SDCCAG8: variants seen among roughly 807,000 people sequenced by gnomAD.
SDCCAG8 encodes the protein serologically defined colon cancer antigen 8.
A neutral mutation model predicts 101.8 loss-of-function variants in SDCCAG8; 74 were observed. The ratio of observed to expected loss-of-function variants is 0.73; its 90% CI spans 0.60 to 0.88. The LOEUF (loss-of-function observed/expected upper bound fraction) is 0.88. Ranked by LOEUF, SDCCAG8 falls within the 40% of genes least tolerant of loss-of-function variation. SDCCAG8 has a pLI of 0.00. For synonymous variants in SDCCAG8, 281 were observed against 292.9 expected (o/e 0.96, Z 0.41); for missense variants, 787 against 822.6 (o/e 0.96, Z 0.53).
intron 6 of SDCCAG8, among the ~76,000 whole-genome samples, chr1:243,302,906 ATTG>A (rs556517532): frequency 6.0e-4 from 92 of 152,360 alleles, no homozygotes; most frequent in African/African-American, 2.1e-3. Context: ...AAATGCCATT[ATTG>A]TTGTAGAAAA....
chr1:243,376,498 T>C (rs1433966003), intron 12 of SDCCAG8, among the ~76,000 whole-genome samples: 2 of 152,194 alleles, frequency 1.3e-5, no homozygotes, highest in Non-Finnish European at 2.9e-5. Context: ...AGAAAGCAGC[T>C]AATTTGTACT....
chr1:243,449,822 C>T (rs529318237), intron 16 of SDCCAG8, among the ~76,000 whole-genome samples: 5 of 152,208 alleles, frequency 3.3e-5, no homozygotes, highest in Non-Finnish European at 7.3e-5. Context: ...GCCTCAGTGA[C>T]TGCAAATGTG....
chr1:243,382,531 C>T (rs1464712391), intron 13 of SDCCAG8, among the ~76,000 whole-genome samples: 1 of 152,186 alleles, frequency 6.6e-6, no homozygotes, highest in African/African-American at 2.4e-5. Flanking sequence ...GGCACTACCA[C>T]ACTTGAGTTG....
At chr1:243,421,816 A>G (rs2081028692) in intron 15 of SDCCAG8, among the ~76,000 whole-genome samples, 1 of 152,176 alleles carries the variant, frequency 6.6e-6, no homozygotes, top group South Asian at 2.1e-4. Flanking sequence ...CTGAGAGCTT[A>G]TTATAGTTAT....
chr1:243,461,480 C>A (rs577131727), intron 16 of SDCCAG8, among the ~76,000 whole-genome samples: 31 of 152,282 alleles, frequency 2.0e-4, no homozygotes, highest in African/African-American at 6.7e-4. Flanking sequence ...TGAGGAGTTA[C>A]CAGTTCCTTG....
intron 6 of SDCCAG8, among the ~76,000 whole-genome samples, chr1:243,301,793 A>G (rs1249022361): frequency 4.6e-5 from 7 of 152,212 alleles, no homozygotes; most frequent in Admixed American, 4.6e-4. Context: ...ACTTAAAACA[A>G]AAGGAAAGTA....
chr1:243,407,199 T>C (rs1312358019), intron 13 of SDCCAG8, among the ~76,000 whole-genome samples: 1 of 152,182 alleles, frequency 6.6e-6, no homozygotes, highest in Non-Finnish European at 1.5e-5. Context: ...ACTGTTTGAT[T>C]AAACAAACCC....
chr1:243,302,775 A>G (rs1247282906), intron 6 of SDCCAG8, among the ~76,000 whole-genome samples: 1 of 152,216 alleles, frequency 6.6e-6, no homozygotes, highest in African/African-American at 2.4e-5. Context: ...AGATCTAGGC[A>G]GTCATAAGGA....
intron 16 of SDCCAG8, among the ~76,000 whole-genome samples, chr1:243,451,526 G>A (rs552798824): frequency 6.6e-6 from 1 of 152,204 alleles, no homozygotes; most frequent in African/African-American, 2.4e-5. Context: ...GAACCATCCA[G>A]TTCTGCCACA....
chr1:243,464,314 C>T (rs551084301), intron 16 of SDCCAG8, among the ~76,000 whole-genome samples: 32 of 152,206 alleles, frequency 2.1e-4, no homozygotes, highest in African/African-American at 7.5e-4. Context: ...TTGCATATAC[C>T]TCTGTTTTAT....
chr1:243,330,158 G>C (rs181801827), intron 9 of SDCCAG8, among the ~76,000 whole-genome samples: 1 of 152,244 alleles, frequency 6.6e-6, no homozygotes, highest in Admixed American at 6.5e-5. Flanking sequence ...GAGCAAATAA[G>C]AAATCAGTTA....
intron 17 of SDCCAG8, among the ~76,000 whole-genome samples, chr1:243,496,280 C>T (rs979575340): frequency 3.3e-5 from 5 of 152,162 alleles, no homozygotes; most frequent in Non-Finnish European, 7.3e-5. Flanking sequence ...CGGGCGGAGC[C>T]GGGCCTGGCT....
chr1:243,426,150 C>G (rs1329239063), intron 15 of SDCCAG8, among the ~76,000 whole-genome samples: 1 of 152,118 alleles, frequency 6.6e-6, no homozygotes, highest in Non-Finnish European at 1.5e-5. Context: ...GAATGACAGT[C>G]TTTTAAAAAA....
At chr1:243,473,885 T>C (rs1412272751) in intron 16 of SDCCAG8, among the ~76,000 whole-genome samples, 1 of 131,788 alleles carries the variant, frequency 7.6e-6, no homozygotes, top group Non-Finnish European at 1.6e-5. Flanking sequence ...AGGAGGGGTC[T>C]TACAAATGAG....
chr1:243,366,049 CATG>C (rs756916087), intron 12 of SDCCAG8, among the ~76,000 whole-genome samples: 1 of 151,938 alleles, frequency 6.6e-6, no homozygotes, highest in Non-Finnish European at 1.5e-5. Context: ...TTTTTAACCT[CATG>C]ATGAGAATCT....
chr1:243,363,086 G>A (rs765742893), intron 12 of SDCCAG8, among the ~76,000 whole-genome samples: 12 of 152,034 alleles, frequency 7.9e-5, no homozygotes, highest in East Asian at 3.9e-4. Flanking sequence ...TCAGCACATC[G>A]GTGGCATCCT....
rs73118394 is a variant in SDCCAG8, at chr1:243,398,370, T to C, written c.1617-17332T>C. Among the ~76,000 whole-genome samples, 1,415 of 151,822 alleles carry C rather than the reference T, an allele frequency of 9.3e-3. 25 individuals are homozygous for C. Among genetic ancestry groups the C allele is most frequent in the African/African-American group, 0.033 (1,352 of 41,410 alleles). On this transcript the variant is annotated intron_variant, in intron 13 of 17. Coordinates refer to ENST00000366541, the MANE Select transcript of SDCCAG8 (RefSeq NM_006642.5). Reference sequence around the variant, plus strand: ...ATCAAGATCATCAATTTTGGTCTCTTTTTTTTTAATCTGGATGAGGCAATA... The same window carrying C: ...ATCAAGATCATCAATTTTGGTCTCTCTTTTTTTAATCTGGATGAGGCAATA...
intron 16 of SDCCAG8, among the ~76,000 whole-genome samples, chr1:243,478,586 C>T (rs1662864557): frequency 6.6e-6 from 1 of 152,318 alleles, no homozygotes; most frequent in Admixed American, 6.5e-5. Flanking sequence ...CCCCTCCCCA[C>T]TGCACGATCC....
At position 243,458,343 on chromosome 1, in the gene SDCCAG8, A is replaced by G. The variant is rs1347134631; in HGVS notation, c.1986-30671A>G. Among the ~76,000 whole-genome samples, 2 of 152,100 alleles carry G rather than the reference A, an allele frequency of 1.3e-5. No individual in the cohort carries two copies. Among genetic ancestry groups the G allele is most frequent in the Non-Finnish European group, 2.9e-5 (2 of 68,010 alleles). The stretch of plus-strand genomic sequence containing the variant: ...TGTGTTAAGCTTCTTGCTACCATGT[A>G]AAAATTTCCTGACACCTCTTGCAAT... On this transcript the variant is annotated intron_variant, in intron 16 of 17. Coordinates refer to ENST00000366541, the MANE Select transcript of SDCCAG8 (RefSeq NM_006642.5). The surrounding 1 kb of genome is among the most constrained non-coding windows in gnomAD (Gnocchi z 4.5).
Sources: gnomAD v4.1 joint callset for allele counts (sites outside exome capture counted in the v4.1 genomes callset) on GRCh38, gnomAD v4.1.1 for gene constraint, Gnocchi (gnomAD v3.1) non-coding constraint, MANE v1.5 for transcripts, NCBI Gene and HGNC (gene_info 2026-07-23, HGNC 2026-07-21) for gene names.